EDIL3: variants seen among roughly 807,000 people sequenced by gnomAD.
EDIL3 encodes EGF-like repeat and discoidin I-like domain-containing protein 3.
Under a neutral mutation model 67.4 loss-of-function variants are expected in EDIL3, and 37 were observed. The observed-to-expected ratio is 0.55, with a 90% CI of 0.42 to 0.72. The LOEUF is 0.72. Among genes scored for constraint, EDIL3 ranks in the 30% least tolerant of loss-of-function variants. EDIL3 has a pLI of 0.00. For synonymous variants in EDIL3, 195 were observed against 196.3 expected (o/e 0.99, Z 0.05); for missense variants, 527 against 586.3 (o/e 0.90, Z 1.04).
chr5:84,093,101 A>G (rs186595696), intron 6 of EDIL3, among the ~76,000 whole-genome samples: 51 of 152,330 alleles, frequency 3.3e-4, no homozygotes, highest in Admixed American at 9.1e-4. Context: ...ATAACAGCCG[A>G]ACATAGTAAA....
At chr5:84,038,160 G>C (rs1321229077) in intron 9 of EDIL3, among the ~76,000 whole-genome samples, 2 of 151,794 alleles carry the variant, frequency 1.3e-5, no homozygotes, top group African/African-American at 4.8e-5. Context: ...GTGCCAGCAT[G>C]CCAGGCTATG....
At chr5:84,292,486 G>T (rs1176242168) in intron 1 of EDIL3, among the ~76,000 whole-genome samples, 1 of 152,080 alleles carries the variant, frequency 6.6e-6, no homozygotes, top group Non-Finnish European at 1.5e-5. Flanking sequence ...ACAGGACAGA[G>T]AATTGCACAG....
chr5:84,175,984 T>C (rs1306792152), intron 4 of EDIL3, among the ~76,000 whole-genome samples: 1 of 151,590 alleles, frequency 6.6e-6, no homozygotes, highest in East Asian at 1.9e-4. Flanking sequence ...AAACAGCAAA[T>C]ATCATTGACT....
intron 6 of EDIL3, among the ~76,000 whole-genome samples, chr5:84,073,593 C>A (rs1331450435): frequency 6.6e-6 from 1 of 152,124 alleles, no homozygotes; most frequent in African/African-American, 2.4e-5. Flanking sequence ...AACTCCCATT[C>A]ACAATTGCTT....
chr5:84,338,495 C>G (rs1359704383), intron 1 of EDIL3, among the ~76,000 whole-genome samples: 1 of 152,168 alleles, frequency 6.6e-6, no homozygotes, highest in Non-Finnish European at 1.5e-5. Flanking sequence ...CCCTCCCTCT[C>G]TTCCTTCCTT....
intron 4 of EDIL3, among the ~76,000 whole-genome samples, chr5:84,177,292 C>T (rs926318073): frequency 6.6e-5 from 10 of 151,940 alleles, no homozygotes; most frequent in South Asian, 2.1e-4. Context: ...TAAAAACACA[C>T]GGAGGAACCT....
chr5:84,060,610 C>A, intron 8 of EDIL3, 126 bp from the exon 9 acceptor site: 2 of 1,015,934 alleles, frequency 2.0e-6, no homozygotes, highest in African/African-American at 1.7e-5. Flanking sequence ...GAGAAAACAT[C>A]TAAATCCAAA....
At chr5:84,112,681 A>G (rs1747584753) in intron 5 of EDIL3, among the ~76,000 whole-genome samples, 1 of 152,162 alleles carries the variant, frequency 6.6e-6, no homozygotes, top group Non-Finnish European at 1.5e-5. Context: ...AACCATGTCC[A>G]GTACTTCCCT....
chr5:84,312,394 A>T (rs1440641667), intron 1 of EDIL3, among the ~76,000 whole-genome samples: 1 of 102,074 alleles, frequency 9.8e-6, no homozygotes, highest in Non-Finnish European at 2.0e-5. Flanking sequence ...TGACTCCCCC[A>T]CCACCCTCCC....
At chr5:84,133,985 G>C (rs993348506) in intron 5 of EDIL3, among the ~76,000 whole-genome samples, 1 of 151,818 alleles carries the variant, frequency 6.6e-6, no homozygotes, top group South Asian at 2.1e-4. Context: ...TTTTTGCCTA[G>C]TATTAAAAGG....
chr5:84,204,554 C>T (rs191330796), intron 3 of EDIL3, among the ~76,000 whole-genome samples: 23 of 151,964 alleles, frequency 1.5e-4, no homozygotes, highest in South Asian at 1.2e-3. Context: ...GCCTATCAAA[C>T]GCCCATTCTT....
chr5:84,350,283 T>A (rs993709540), intron 1 of EDIL3, among the ~76,000 whole-genome samples: 5 of 152,130 alleles, frequency 3.3e-5, no homozygotes, highest in African/African-American at 4.8e-5. Context: ...ATATTTATTA[T>A]GAAACTTTTA....
intron 3 of EDIL3, among the ~76,000 whole-genome samples, chr5:84,185,448 G>A (rs1278443255): frequency 6.6e-6 from 1 of 152,082 alleles, no homozygotes; most frequent in African/African-American, 2.4e-5. Flanking sequence ...ACAGAGTGTT[G>A]AAATGAATGG....
intron 10 of EDIL3, among the ~76,000 whole-genome samples, chr5:83,957,130 C>T (rs888364334): frequency 6.6e-6 from 1 of 151,676 alleles, no homozygotes; most frequent in African/African-American, 2.4e-5. Flanking sequence ...CCTTCCTTCT[C>T]TGCCTTATTT....
chr5:84,008,609 A>G (rs186179215), intron 9 of EDIL3, among the ~76,000 whole-genome samples: 23 of 152,334 alleles, frequency 1.5e-4, no homozygotes, highest in Non-Finnish European at 2.1e-4. Flanking sequence ...GAAAAATGAT[A>G]TATTATTAAA....
At chr5:84,086,282 G>C (rs889759102) in intron 6 of EDIL3, among the ~76,000 whole-genome samples, 1 of 152,212 alleles carries the variant, frequency 6.6e-6, no homozygotes, top group Non-Finnish European at 1.5e-5. Context: ...GACACCCAGG[G>C]CTCTGGTGGT....
At chr5:84,054,534 T>C (rs908655190) in intron 9 of EDIL3, among the ~76,000 whole-genome samples, 6 of 152,126 alleles carry the variant, frequency 3.9e-5, no homozygotes, top group African/African-American at 1.4e-4. Context: ...TGTTTGCAGA[T>C]GACATGATTG....
intron 5 of EDIL3, among the ~76,000 whole-genome samples, chr5:84,114,444 A>G (rs1747629115): frequency 6.6e-6 from 1 of 152,172 alleles, no homozygotes; most frequent in Admixed American, 6.5e-5. Context: ...CTCATTCCCA[A>G]ATTCCTGCAG....
intron 4 of EDIL3, among the ~76,000 whole-genome samples, chr5:84,157,724 T>G (rs1371592121): frequency 8.0e-6 from 1 of 125,006 alleles, no homozygotes; most frequent in Non-Finnish European, 1.7e-5. Context: ...GTGGAGAGAA[T>G]GATACAAAAG....
Sources: allele counts gnomAD v4.1 joint callset (sites outside exome capture counted in the v4.1 genomes callset), GRCh38; gene constraint gnomAD v4.1.1; transcripts MANE v1.5; gene names NCBI Gene and HGNC (gene_info 2026-07-23, HGNC 2026-07-21).